The following COTL1 variants were observed in gnomAD, a reference collection of about 807,000 sequenced individuals.
COTL1 encodes coactosin like F-actin binding protein 1, also known as coactosin-like protein.
COTL1 carries 15 observed loss-of-function variants against 16.5 expected under a neutral mutation model. The ratio of observed to expected loss-of-function variants is 0.91; its 90% confidence interval spans 0.61 to 1.40. COTL1 has a LOEUF of 1.40. COTL1 is among the 40% of genes most tolerant of loss of function. COTL1 has a pLI of 0.00. For synonymous variants in COTL1, 112 were observed against 85.3 expected (o/e 1.31, Z -1.73); for missense variants, 220 against 201.5 (o/e 1.09, Z -0.56).
At chr16:84,585,925 G>A (rs969425190) in intron 3 of COTL1, among the ~76,000 whole-genome samples, 6 of 152,200 alleles carry the variant, frequency 3.9e-5, no homozygotes, top group Admixed American at 6.5e-5. Flanking sequence ...GCACATCTGC[G>A]CTTCTTCATT....
intron 3 of COTL1, among the ~76,000 whole-genome samples, chr16:84,588,572 G>A (rs538310719): frequency 1.3e-5 from 2 of 152,092 alleles, no homozygotes; most frequent in Admixed American, 1.3e-4. Context: ...GTGCAGTGGC[G>A]AGATCTTGGC....
chr16:84,583,936 T>C (rs1157368477), intron 3 of COTL1, among the ~76,000 whole-genome samples: 3 of 152,108 alleles, frequency 2.0e-5, no homozygotes, highest in Non-Finnish European at 4.4e-5. Context: ...ACGTTCATAT[T>C]ATGTTAAAGA....
rs796537741 is a variant in COTL1, at chr16:84,581,413, G to C, written c.318+8692C>G. 2.0e-5 allele frequency among the ~76,000 whole-genome samples: 3 copies of C among 152,218 alleles called. 1 individual carries two copies. In the South Asian group the frequency reaches 6.2e-4, roughly 31 times the overall value. On this transcript the variant is annotated intron_variant, in intron 3 of 3. Transcript: ENST00000262428. ...CTAAGTGGTAACTCATGCTTTGCAAGGGGGAGCAGCAGCCTCGTAAATCTC... is the reference window on the plus strand; with the variant it reads ...CTAAGTGGTAACTCATGCTTTGCAACGGGGAGCAGCAGCCTCGTAAATCTC...
intron 2 of COTL1, among the ~76,000 whole-genome samples, chr16:84,592,847 G>C (rs945757409): frequency 3.9e-5 from 6 of 152,156 alleles, no homozygotes; most frequent in African/African-American, 1.4e-4. Context: ...GTCCCCGGGA[G>C]CTAAGGAACA....
At chr16:84,604,378 A>G (rs973825442) in intron 2 of COTL1, among the ~76,000 whole-genome samples, 9 of 134,588 alleles carry the variant, frequency 6.7e-5, no homozygotes, top group Non-Finnish European at 9.4e-5. Flanking sequence ...CCCACCCAGG[A>G]GCCTCATCCT....
chr16:84,572,717 C>T (rs1214822818), intron 3 of COTL1, among the ~76,000 whole-genome samples: 1 of 151,940 alleles, frequency 6.6e-6, no homozygotes, highest in East Asian at 1.9e-4. Flanking sequence ...CCATCTTGGC[C>T]TCCCAAAGGC....
chr16:84,609,873 C>A (rs1905285524), intron 2 of COTL1, among the ~76,000 whole-genome samples: 1 of 152,214 alleles, frequency 6.6e-6, no homozygotes, highest in Middle Eastern at 3.2e-3. Context: ...CCTCCCCAGC[C>A]ATGCAAAACT....
intron 3 of COTL1, chr16:84,568,624 G>A (rs736092): frequency 1.3e-5 from 2 of 152,206 alleles, no homozygotes; most frequent in African/African-American, 2.4e-5. Flanking sequence ...AAGCAGACTC[G>A]TGGTTACACA....
rs546735123 is a variant in COTL1 at position 84,566,795 on chromosome 16, G to A, written c.*50C>T. 1.4e-5 allele frequency: 18 copies of A among 1,320,166 alleles called. No individual in the cohort carries two copies. The highest frequency in any genetic ancestry group is 3.4e-5 in the Admixed American group (2 of 58,276). 81.8% of individuals were successfully genotyped at this position (1,320,166 alleles called of 1,614,324 possible). A position where few individuals can be genotyped will look rare whatever the true frequency, so the allele number is the denominator to read the frequency against. On this transcript the variant is annotated 3_prime_UTR_variant, in exon 4 of 4. Transcript: ENST00000262428. ...GCTGAGGCCGGCGGTCCTCTCCCCCGGGGAGCAGGCAGATGACTTTGGCAA... is the reference window on the plus strand; with the variant it reads ...GCTGAGGCCGGCGGTCCTCTCCCCCAGGGAGCAGGCAGATGACTTTGGCAA...
intron 3 of COTL1, among the ~76,000 whole-genome samples, chr16:84,573,799 C>T (rs948436946): frequency 2.8e-5 from 4 of 145,362 alleles, no homozygotes; most frequent in Non-Finnish European, 4.6e-5. Flanking sequence ...ACACACTCAA[C>T]GAGTAGTATT....
intron 2 of COTL1, among the ~76,000 whole-genome samples, chr16:84,607,584 C>T (rs904124620): frequency 8.5e-5 from 13 of 152,138 alleles, no homozygotes; most frequent in Non-Finnish European, 1.8e-4. Context: ...GGGACTTGGG[C>T]ATCCCTAAGG....
chr16:84,594,155 A>G (rs1035593064), intron 2 of COTL1, among the ~76,000 whole-genome samples: 1 of 149,534 alleles, frequency 6.7e-6, no homozygotes, highest in African/African-American at 2.4e-5. Flanking sequence ...GAGAGAGCAC[A>G]TTTTGCTTAT....
intron 2 of COTL1, among the ~76,000 whole-genome samples, chr16:84,606,748 T>C (rs1905218673): frequency 6.6e-6 from 1 of 152,156 alleles, no homozygotes; most frequent in South Asian, 2.1e-4. Context: ...CAATGGGGGA[T>C]AAGAGTCGGT....
intron 2 of COTL1, among the ~76,000 whole-genome samples, chr16:84,615,781 G>A (rs1280412907): frequency 6.6e-6 from 1 of 152,084 alleles, no homozygotes; most frequent in Admixed American, 6.5e-5. Context: ...TTTATGCTGC[G>A]ATTTTAGGCC....
At chr16:84,581,978 CTTTTTTTTTTT>C (rs11332563) in intron 3 of COTL1, among the ~76,000 whole-genome samples, 29 of 66,044 alleles carry the variant, frequency 4.4e-4, no homozygotes, top group African/African-American at 1.1e-3. Flanking sequence ...TACATTTCTT[CTTTTTTTTTTT>C]TTTTTTTTTT....
In COTL1 at chr16:84,617,970, G is replaced by T; in HGVS notation, c.-56C>A. 2 of 1,349,536 alleles carry T rather than the reference G, an allele frequency of 1.5e-6. No individual in the cohort carries two copies. Among genetic ancestry groups the T allele is most frequent in the Non-Finnish European group, 1.9e-6 (2 of 1,027,292 alleles). 83.6% of individuals were successfully genotyped at this position (1,349,536 alleles called of 1,614,324 possible). A position where few individuals can be genotyped will look rare whatever the true frequency, so the allele number is the denominator to read the frequency against. Reference sequence around the variant, plus strand: ...GGGCGGCCGAGCGCGCCCCTGGCCGGCGGCGGGGATGGGAGCGCGGCGGGT... The same window carrying T: ...GGGCGGCCGAGCGCGCCCCTGGCCGTCGGCGGGGATGGGAGCGCGGCGGGT... On this transcript the variant is annotated 5_prime_UTR_variant, in exon 1 of 4. Coordinates refer to ENST00000262428, the MANE Select transcript of COTL1 (RefSeq NM_021149.5).
intron 3 of COTL1, among the ~76,000 whole-genome samples, chr16:84,583,777 G>A (rs1376329467): frequency 2.0e-5 from 3 of 152,138 alleles, no homozygotes; most frequent in Non-Finnish European, 4.4e-5. Flanking sequence ...GGGCTCAGAA[G>A]CTATCAGAAT....
At chr16:84,583,062 G>A (rs57022515) in intron 3 of COTL1, among the ~76,000 whole-genome samples, 34,604 of 152,164 alleles carry the variant, frequency 0.23, 4,077 homozygotes, top group Non-Finnish European at 0.27. Context: ...CCCTGCTTGC[G>A]GCCTTCGAAC....
chr16:84,585,787 T>G (rs16974226), intron 3 of COTL1, among the ~76,000 whole-genome samples: 2,386 of 152,264 alleles, frequency 0.016, 59 homozygotes, highest in African/African-American at 0.052. Flanking sequence ...AGTATAAATG[T>G]AAGGTCTTGT....
Sources: allele counts gnomAD v4.1 joint callset (sites outside exome capture counted in the v4.1 genomes callset), GRCh38; gene constraint gnomAD v4.1.1; transcripts MANE v1.5; gene names NCBI Gene and HGNC (gene_info 2026-07-23, HGNC 2026-07-21).